The following EPAS1 variants were observed in gnomAD, a reference collection of about 807,000 sequenced individuals.
The protein encoded by EPAS1 is endothelial PAS domain protein 1.
A neutral mutation model predicts 87.9 loss-of-function variants in EPAS1; 23 were observed. That is an observed-to-expected ratio of 0.26 (90% CI 0.19 to 0.37). The LOEUF (loss-of-function observed/expected upper bound fraction) is 0.37. Ranked by LOEUF, EPAS1 falls within the 10% of genes least tolerant of loss-of-function variation. The probability of loss-of-function intolerance (pLI) is 1.00; values close to 1 mark genes in which losing one functional copy is unlikely to be tolerated. For synonymous variants in EPAS1, 508 were observed against 444.3 expected (o/e 1.14, Z -1.80); for missense variants, 1,138 against 1,120.7 (o/e 1.02, Z -0.22).
At position 46,346,944 on chromosome 2, in the gene EPAS1, T is replaced by A; in HGVS notation, c.98T>A (p.Val33Glu). 6.2e-7 allele frequency: 1 copy of A among 1,613,840 alleles called. No individual in the cohort carries two copies. Among genetic ancestry groups the A allele is most frequent in the Non-Finnish European group, 8.5e-7 (1 of 1,179,958 alleles). ...ARCRRSKETE[V>E]FYELAHELPL... ...TGCCGGCGGAGCAAGGAGACGGAGGTGTTCTATGAGCTGGCCCATGAGCTG... is the reference window on the plus strand; with the variant it reads ...TGCCGGCGGAGCAAGGAGACGGAGGAGTTCTATGAGCTGGCCCATGAGCTG... Residue 33 changes from valine to glutamate, a missense_variant, in exon 2 of 16, where the codon GTG becomes GAG. Val to Glu is a moderately radical substitution (Grantham distance 121). Transcript: ENST00000263734. The surrounding 1 kb of genome is among the most constrained non-coding windows in gnomAD (Gnocchi z 4.0).
At chr2:46,384,457 T>G (rs1366576740) in intron 15 of EPAS1, 52 bp from the exon 16 acceptor site, 6 of 1,613,430 alleles carry the variant, frequency 3.7e-6, no homozygotes, top group Non-Finnish European at 4.2e-6. Context: ...GTAGACACTT[T>G]TCCAAATGTT....
intron 1 of EPAS1, among the ~76,000 whole-genome samples, chr2:46,320,168 A>T (rs1181137312): frequency 6.6e-6 from 1 of 152,188 alleles, no homozygotes; most frequent in Non-Finnish European, 1.5e-5. Context: ...AGGAATGAGG[A>T]TGGGACTAGG....
chr2:46,325,529 C>T (rs895390613), intron 1 of EPAS1, among the ~76,000 whole-genome samples: 2 of 152,138 alleles, frequency 1.3e-5, no homozygotes, highest in African/African-American at 2.4e-5. Flanking sequence ...AGTAGTTCAA[C>T]TGAGAATCCA....
At chr2:46,298,936 T>C (rs914702780) in intron 1 of EPAS1, among the ~76,000 whole-genome samples, 3 of 152,214 alleles carry the variant, frequency 2.0e-5, no homozygotes, top group East Asian at 1.9e-4. Context: ...CCCAGTGGCC[T>C]GGAGCTTCCA....
chr2:46,329,732 G>C (rs1683638077), intron 1 of EPAS1, among the ~76,000 whole-genome samples: 2 of 152,142 alleles, frequency 1.3e-5, no homozygotes, highest in Admixed American at 1.3e-4. Context: ...TGAGGCGGGA[G>C]AATCGCTTGA....
intron 6 of EPAS1, among the ~76,000 whole-genome samples, chr2:46,369,481 C>T (rs1042197248): frequency 4.6e-5 from 7 of 152,204 alleles, no homozygotes; most frequent in African/African-American, 1.4e-4. Flanking sequence ...GATGTCTACT[C>T]CCTCATCTGC....
Position 46,322,108 on chromosome 2 carries a change from C to T in EPAS1, c.26+24171C>T, listed in dbSNP as rs371084176. ...CATCTACTACGGAATCCTGGGCCCA[C>T]TTTCTTCCTTCTTCTTGGGGGAGGA... On this transcript the variant is annotated intron_variant, in intron 1 of 15. Coordinates refer to ENST00000263734, the MANE Select transcript of EPAS1 (RefSeq NM_001430.5). Among the ~76,000 whole-genome samples the T allele has an allele frequency of 4.6e-5, 7 of 152,234 alleles. No individual in the cohort carries two copies. The East Asian group carries it at 1.4e-3, about 29-fold the overall frequency.
intron 6 of EPAS1, among the ~76,000 whole-genome samples, chr2:46,364,918 G>C (rs1251562619): frequency 6.6e-6 from 1 of 152,204 alleles, no homozygotes; most frequent in Admixed American, 6.5e-5. Context: ...TGATCTTCAG[G>C]AGTTGAGAGT....
chr2:46,345,813 T>C (rs544574950), intron 1 of EPAS1, among the ~76,000 whole-genome samples: 1 of 152,222 alleles, frequency 6.6e-6, no homozygotes, highest in Non-Finnish European at 1.5e-5. Context: ...TTAACTCTTA[T>C]GATTGTCTTT....
intron 1 of EPAS1, among the ~76,000 whole-genome samples, chr2:46,308,464 G>GGA (rs1381355621): frequency 2.8e-5 from 4 of 142,890 alleles, no homozygotes; most frequent in Non-Finnish European, 6.1e-5. Context: ...TTTTTTTGGG[G>GGA]GGGGGGGCTC....
Position 46,360,975 on chromosome 2 carries a change from C to G in EPAS1, c.664C>G (p.Leu222Val). Residue 222 changes from leucine to valine, a missense_variant, in exon 6 of 16, where the codon CTC becomes GTC. Leu to Val is a conservative substitution (Grantham distance 32). This residue lies in a region of EPAS1 where 351 missense variants were observed against 417.1 expected (regional missense o/e 0.84). Transcript: ENST00000263734. This position sits in a 1 kb window ranked among gnomAD's most constrained non-coding sequence, Gnocchi z 4.5. Reference sequence around the variant, plus strand: ...CTACAAGGAGCCCCTGCTGTCCTGCCTCATCATCATGTGTGAACCAATCCA... The same window carrying G: ...CTACAAGGAGCCCCTGCTGTCCTGCGTCATCATCATGTGTGAACCAATCCA... ...CGYKEPLLSC[L>V]IIMCEPIQHP... 1 of 1,614,214 alleles carries G rather than the reference C, an allele frequency of 6.2e-7. No homozygotes were observed. The highest frequency in any genetic ancestry group is 8.5e-7 in the Non-Finnish European group (1 of 1,180,038).
chr2:46,308,958 G>A (rs1391381304), intron 1 of EPAS1, among the ~76,000 whole-genome samples: 2 of 152,214 alleles, frequency 1.3e-5, no homozygotes, highest in Non-Finnish European at 1.5e-5. Context: ...TGCTTTTGAA[G>A]GTTGGGGGTG....
rs868839389 is a variant in EPAS1 at position 46,380,351 on chromosome 2, C to T, written c.1679C>T (p.Pro560Leu). 4.3e-6 allele frequency: 7 copies of T among 1,614,204 alleles called. No individual in the cohort carries two copies. The highest frequency in any genetic ancestry group is 5.9e-6 in the Non-Finnish European group (7 of 1,180,024). Residue 560 changes from proline (P) to leucine (L), a missense_variant, in exon 12 of 16, where the codon CCC (proline) becomes CTC (leucine). This residue lies in a region of EPAS1 where 502 missense variants were observed against 427.1 expected (regional missense o/e 1.18). Transcript: ENST00000263734. The surrounding 1 kb of genome is among the most constrained non-coding windows in gnomAD (Gnocchi z 4.4). ...TTGGCGGAGAACCCACAGTCCACCC[C>T]CCAGCACTGCTTCAGTGCCATGACA... Reference protein sequence around the residue: ...RLLAENPQSTPQHCFSAMTNI... With the variant: ...RLLAENPQSTLQHCFSAMTNI...
At chr2:46,313,792 C>T (rs748887590) in intron 1 of EPAS1, among the ~76,000 whole-genome samples, 1 of 152,186 alleles carries the variant, frequency 6.6e-6, no homozygotes, top group East Asian at 1.9e-4. Flanking sequence ...GTCACCTTTG[C>T]TGCCCCCTAG....
At chr2:46,368,160 A>G (rs1684542787) in intron 6 of EPAS1, among the ~76,000 whole-genome samples, 1 of 152,186 alleles carries the variant, frequency 6.6e-6, no homozygotes, top group South Asian at 2.1e-4. Context: ...ATGTGAGGAG[A>G]CAAATGCATA....
intron 9 of EPAS1, among the ~76,000 whole-genome samples, chr2:46,377,533 CTTG>C (rs1208698677): frequency 6.6e-6 from 1 of 152,222 alleles, no homozygotes; most frequent in Non-Finnish European, 1.5e-5. Context: ...GGTCTCGCGG[CTTG>C]TTTTGTGGCA....
At position 46,381,772 on chromosome 2, in the gene EPAS1, C is replaced by T. The variant is rs775135621; in HGVS notation, c.2172+50C>T. 9.9e-6 allele frequency: 16 copies of T among 1,610,236 alleles called. No homozygotes were observed. The African/African-American group carries it at 2.1e-4, about 22-fold the overall frequency. ...GGGCCTCTCCATAGCCCTTAGGGAA[C>T]CCAGGGCTGCTGAGAGGGGTGGGGA... is the stretch of plus-strand genomic sequence containing the variant. On this transcript the variant is annotated intron_variant, in intron 13 of 15. Transcript: ENST00000263734.
rs1685008167 is a variant in EPAS1 at position 46,385,858 on chromosome 2, T to G, written c.*1198T>G. The G allele has an allele frequency of 6.6e-6, 1 of 152,204 alleles. No individual in the cohort carries two copies. Among genetic ancestry groups the G allele is most frequent in the Admixed American group, 6.5e-5 (1 of 15,282 alleles). The allele number at this position is 152,204 out of a possible 1,614,324, so 9.4% of individuals were successfully genotyped here. On this transcript the variant is annotated 3_prime_UTR_variant, in exon 16 of 16. Coordinates refer to ENST00000263734, the MANE Select transcript of EPAS1 (RefSeq NM_001430.5). ...CTTTCACACGGCACATTTGGACATT[T>G]CCAGAACTACCATGAGATGGTTTAG...
In EPAS1 at chr2:46,360,553, C is replaced by G; in HGVS notation, c.455-85C>G. 8.4e-7 allele frequency: 1 copy of G among 1,196,844 alleles called. No homozygotes were observed. The highest frequency in any genetic ancestry group is 1.2e-5 in the South Asian group (1 of 82,068). 74.1% of individuals were successfully genotyped at this position (1,196,844 alleles called of 1,614,324 possible). A position where few individuals can be genotyped will look rare whatever the true frequency, so the allele number is the denominator to read the frequency against. On this transcript the variant is annotated intron_variant, in intron 4 of 15. Coordinates refer to ENST00000263734, the MANE Select transcript of EPAS1 (RefSeq NM_001430.5). The surrounding 1 kb of genome is among the most constrained non-coding windows in gnomAD (Gnocchi z 4.5). ...TTTGGAAAATATAAACAATAGGCTG[C>G]CAAGAAAAACTGCAGCTGGGCCCCT...
Sources: gnomAD v4.1 joint callset for allele counts (sites outside exome capture counted in the v4.1 genomes callset) on GRCh38, gnomAD v4.1.1 for gene constraint, gnomAD v4.1.1 regional missense constraint, Gnocchi (gnomAD v3.1) non-coding constraint, MANE v1.5 for transcripts, NCBI Gene and HGNC (gene_info 2026-07-23, HGNC 2026-07-21) for gene names.